CACNA1C: variants seen among roughly 807,000 people sequenced by gnomAD.
The protein encoded by CACNA1C is calcium voltage-gated channel subunit alpha1 C.
CACNA1C carries 30 observed loss-of-function variants against 229.0 expected under a neutral mutation model. That is an observed-to-expected ratio of 0.13 (90% CI 0.10 to 0.18). The LOEUF (loss-of-function observed/expected upper bound fraction) is 0.18, where lower values mean the gene tolerates loss of function less well. CACNA1C is among the 10% of genes least tolerant of loss of function. CACNA1C has a pLI of 1.00. For synonymous variants in CACNA1C, 1,114 were observed against 1,132.5 expected, an observed-to-expected ratio of 0.98 and a Z score of 0.33; for missense variants, 1,658 against 2,845.0, an observed-to-expected ratio of 0.58 and a Z score of 9.49.
chr12:2,192,434 C>T (rs2097268724), intron 3 of CACNA1C, among the ~76,000 whole-genome samples: 1 of 152,238 alleles, frequency 6.6e-6, no homozygotes, highest in African/African-American at 2.4e-5. Context: ...TGCCTGCGGA[C>T]TCACAGCAGG....
intron 3 of CACNA1C, among the ~76,000 whole-genome samples, chr12:2,236,432 G>T (rs761433247): frequency 5.3e-5 from 8 of 152,176 alleles, no homozygotes; most frequent in African/African-American, 1.9e-4. Flanking sequence ...AATAATACCA[G>T]TAAGAATTTT....
In CACNA1C at chr12:2,067,496, G is replaced by A. The variant is rs1198457282; in HGVS notation, c.49+13885G>A. Among the ~76,000 whole-genome samples the A allele has an allele frequency of 2.0e-5, 3 of 151,856 alleles. No homozygotes were observed. ...TGTGTGTGTGTGCGCGCGTGTGCGT[G>A]CCTGTATGTAAGGGCAGGCACATGA... On this transcript the variant is annotated intron_variant, in intron 1 of 46. Transcript: ENST00000399655. This position sits in a 1 kb window ranked among gnomAD's most constrained non-coding sequence, Gnocchi z 5.3.
At chr12:2,669,319 T>G (rs2096420232) in intron 38 of CACNA1C, among the ~76,000 whole-genome samples, 1 of 145,648 alleles carries the variant, frequency 6.9e-6, no homozygotes, top group African/African-American at 2.5e-5. Flanking sequence ...TAAAATACAC[T>G]AACGATAGCT....
chr12:2,475,828 A>G (rs1341688237), intron 5 of CACNA1C, among the ~76,000 whole-genome samples: 1 of 152,216 alleles, frequency 6.6e-6, no homozygotes. Context: ...TTGTTATGGA[A>G]GTATAATATA....
chr12:2,041,572 G>A (rs934748215), intron 1 of CACNA1C, among the ~76,000 whole-genome samples: 66 of 152,176 alleles, frequency 4.3e-4, no homozygotes, highest in African/African-American at 1.5e-3. Context: ...CACTGCGCCC[G>A]GCCCGCTAAG....
At chr12:2,274,013 C>T (rs2086482038) in intron 3 of CACNA1C, among the ~76,000 whole-genome samples, 1 of 152,218 alleles carries the variant, frequency 6.6e-6, no homozygotes, top group South Asian at 2.1e-4. Flanking sequence ...GCGTCCTGTC[C>T]AGCACGCGGC....
At chr12:2,457,946 G>A (rs1193823169) in intron 5 of CACNA1C, among the ~76,000 whole-genome samples, 1 of 152,190 alleles carries the variant, frequency 6.6e-6, no homozygotes, top group Non-Finnish European at 1.5e-5. Flanking sequence ...CAGTCACTCA[G>A]CCACATGAAT....
intron 8 of CACNA1C, among the ~76,000 whole-genome samples, chr12:2,508,611 C>T (rs1458209906): frequency 6.6e-6 from 1 of 152,184 alleles, no homozygotes; most frequent in African/African-American, 2.4e-5. Flanking sequence ...CATAGTCATG[C>T]CACTGCACTC....
At chr12:2,031,543 T>C (rs2048227920) in intron 1 of CACNA1C, among the ~76,000 whole-genome samples, 1 of 152,216 alleles carries the variant, frequency 6.6e-6, no homozygotes, top group South Asian at 2.1e-4. Flanking sequence ...TTCTTTTTTA[T>C]TTCCATCCTT....
At chr12:2,334,857 A>T (rs1340421303) in intron 3 of CACNA1C, among the ~76,000 whole-genome samples, 1 of 152,170 alleles carries the variant, frequency 6.6e-6, no homozygotes, top group Admixed American at 6.5e-5. Context: ...ATTAGATAGA[A>T]ATGTCATGGT....
At chr12:2,159,589 ATTTC>A (rs1039615542) in intron 3 of CACNA1C, among the ~76,000 whole-genome samples, 15 of 150,094 alleles carry the variant, frequency 1.0e-4, no homozygotes, top group Middle Eastern at 3.4e-3. Context: ...TCTCCTTTAG[ATTTC>A]TTTCTTTCTC....
intron 3 of CACNA1C, among the ~76,000 whole-genome samples, chr12:2,136,266 C>A (rs567924583): frequency 6.6e-6 from 1 of 151,532 alleles, no homozygotes; most frequent in East Asian, 1.9e-4. Flanking sequence ...CTGCGTCGGT[C>A]ACGCTGAGAG....
chr12:2,258,975 A>G (rs79091024), intron 3 of CACNA1C, among the ~76,000 whole-genome samples: 17 of 152,200 alleles, frequency 1.1e-4, no homozygotes, highest in African/African-American at 3.6e-4. Flanking sequence ...TTCCAAAAAT[A>G]GATGAGGGAG....
intron 3 of CACNA1C, chr12:2,222,079 A>G (rs1035073150): frequency 6.6e-6 from 1 of 152,272 alleles, no homozygotes; most frequent in Admixed American, 6.5e-5. Flanking sequence ...TTCAGGGAAC[A>G]AAATTACAAA....
At chr12:2,075,601 C>T (rs1478708135) in intron 1 of CACNA1C, among the ~76,000 whole-genome samples, 1 of 152,202 alleles carries the variant, frequency 6.6e-6, no homozygotes, top group Non-Finnish European at 1.5e-5. Context: ...GGCTTTGTTG[C>T]TGGGCTTTTG....
chr12:2,558,473 T>C (rs1007262294), intron 11 of CACNA1C, among the ~76,000 whole-genome samples: 1 of 152,124 alleles, frequency 6.6e-6, no homozygotes, highest in African/African-American at 2.4e-5. Flanking sequence ...CCTCTATACC[T>C]CAGCTGAGGA....
intron 9 of CACNA1C, among the ~76,000 whole-genome samples, chr12:2,539,998 A>G (rs1159928018): frequency 6.6e-6 from 1 of 152,186 alleles, no homozygotes; most frequent in Non-Finnish European, 1.5e-5. Flanking sequence ...GTCAGAGAGC[A>G]GCTATGTGGA....
chr12:2,441,179 A>C (rs1455244753), intron 3 of CACNA1C, among the ~76,000 whole-genome samples: 4 of 152,220 alleles, frequency 2.6e-5, no homozygotes, highest in African/African-American at 9.7e-5. Flanking sequence ...GGCTTCCATA[A>C]GTACATTTAC....
intron 9 of CACNA1C, among the ~76,000 whole-genome samples, chr12:2,537,655 A>G (rs1192749850): frequency 6.6e-6 from 1 of 152,234 alleles, no homozygotes; most frequent in Admixed American, 6.5e-5. Context: ...AGCACTTAAA[A>G]GGACACCACT....
Sources: gnomAD v4.1 joint callset for allele counts (sites outside exome capture counted in the v4.1 genomes callset) on GRCh38, gnomAD v4.1.1 for gene constraint, Gnocchi (gnomAD v3.1) non-coding constraint, MANE v1.5 for transcripts, NCBI Gene and HGNC (gene_info 2026-07-23, HGNC 2026-07-21) for gene names.